PVALEF: variants seen among roughly 807,000 people sequenced by gnomAD.
PVALEF encodes the protein parvalbumin like EF-hand containing.
A neutral mutation model predicts 1.2 loss-of-function variants in PVALEF; 2 were observed. The observed-to-expected ratio is 1.68, with a 90% CI of 0.69 to 5.28. The LOEUF (loss-of-function observed/expected upper bound fraction) is 5.28. Ranked by LOEUF, PVALEF falls within the 30% of genes most tolerant of loss-of-function variation. The pLI is 0.06. For missense variants in PVALEF, 35 were observed against 17.7 expected, an observed-to-expected ratio of 1.97 and a Z score of -1.75; for synonymous variants, 16 against 6.5, an observed-to-expected ratio of 2.47 and a Z score of -2.24.
chr17:81,167,772 C>T (rs998261631), intron 2 of PVALEF, among the ~76,000 whole-genome samples: 1 of 152,204 alleles, frequency 6.6e-6, no homozygotes, highest in East Asian at 1.9e-4. Context: ...ATGTGGCCAG[C>T]CAAGGTTCTA....
rs1439213135 is a variant in PVALEF, at chr17:81,166,811, TG to T, written c.-371del. 2.4e-5 allele frequency: 11 copies of T among 454,532 alleles called. No individual in the cohort carries two copies. The Admixed American group carries it at 2.6e-4, about 11-fold the overall frequency. The allele number at this position is 454,532 out of a possible 1,614,324, so 28.2% of individuals were successfully genotyped here. A position where few individuals can be genotyped will look rare whatever the true frequency, so the allele number is the denominator to read the frequency against. On this transcript the variant is annotated 5_prime_UTR_variant, in exon 2 of 7. An upstream open reading frame in the 5' UTR gains an earlier in-frame stop. Coordinates refer to ENST00000637878, the MANE Select transcript of PVALEF (RefSeq NM_001354639.2). ...CTGCGACAGCCATGAAGGAAGAACCTGGCTGAGTCTCCACCTGCCGTGGACT... is the reference window on the plus strand; with the variant it reads ...CTGCGACAGCCATGAAGGAAGAACCTGCTGAGTCTCCACCTGCCGTGGACT...
chr17:81,181,068 G>A (rs918360879), intron 3 of PVALEF, 55 bp from the exon 4 acceptor site: 8 of 541,286 alleles, frequency 1.5e-5, no homozygotes, highest in East Asian at 6.6e-5. Context: ...AGCATGTCTC[G>A]GGGCCCTGGC....
Position 81,180,696 on chromosome 17 carries a change from G to C in PVALEF, c.-104-427G>C, listed in dbSNP as rs187766595. On this transcript the variant is annotated intron_variant, in intron 3 of 6. Transcript: ENST00000637878. ...CTGGCGCTCCTCACACCTCTGGGGC[G>C]CCAGGGTTGGGTTGCAACCCTTGAC... Among the ~76,000 whole-genome samples the C allele has an allele frequency of 4.4e-3, 666 of 152,302 alleles. 5 individuals are homozygous for C. The highest frequency in any genetic ancestry group is 0.015 in the African/African-American group (618 of 41,574).
At chr17:81,170,657 C>T (rs537501879) in intron 2 of PVALEF, among the ~76,000 whole-genome samples, 1 of 152,240 alleles carries the variant, frequency 6.6e-6, no homozygotes, top group Non-Finnish European at 1.5e-5. Flanking sequence ...GTCTGAATCC[C>T]AATTAGCCAG....
intron 6 of PVALEF, among the ~76,000 whole-genome samples, chr17:81,182,568 G>C (rs537033664): frequency 6.6e-6 from 1 of 152,302 alleles, no homozygotes; most frequent in South Asian, 2.1e-4. Flanking sequence ...GGCTTGACAG[G>C]CATCCTGACC....
At position 81,169,745 on chromosome 17, in the gene PVALEF, C is replaced by T. The variant is rs548178509; in HGVS notation, c.-340+2901C>T. ...ACATAGTCGTGTGCGTGTGTGTGTA[C>T]GTGTCTATGTGTGTGTATGCATGTG... On this transcript the variant is annotated intron_variant, in intron 2 of 6. Coordinates refer to ENST00000637878, the MANE Select transcript of PVALEF (RefSeq NM_001354639.2). 2.0e-3 allele frequency among the ~76,000 whole-genome samples: 305 copies of T among 151,724 alleles called. 1 individual carries two copies. The highest frequency in any genetic ancestry group is 6.9e-3 in the African/African-American group (284 of 41,374).
At chr17:81,171,236 C>T (rs1453148319) in intron 2 of PVALEF, among the ~76,000 whole-genome samples, 1 of 152,190 alleles carries the variant, frequency 6.6e-6, no homozygotes, top group Non-Finnish European at 1.5e-5. Flanking sequence ...CGGCTCTGAA[C>T]AGAAATGAAG....
At position 81,181,581 on chromosome 17, in the gene PVALEF, C is replaced by A. The variant is rs891030821; in HGVS notation, c.129C>A (p.Phe43Leu). 2.3e-6 allele frequency: 1 copy of A among 438,864 alleles called. No individual in the cohort carries two copies. 27.2% of individuals were successfully genotyped at this position (438,864 alleles called of 1,614,324 possible). ...RHHGSFNYLKFFKHIRKLHAS... is the reference protein window; with the variant it reads ...RHHGSFNYLKLFKHIRKLHAS... The stretch of plus-strand genomic sequence containing the variant: ...CAGGGTCCTTCAACTACCTCAAGTT[C>A]TTCAAGCACATCCGCAAGCTCCACG... The change falls in exon 5 of 7, where the codon TTC (phenylalanine) becomes TTA (leucine). Residue 43 changes from phenylalanine to leucine, a missense_variant. Transcript: ENST00000637878.
At chr17:81,171,117 C>A (rs1020058398) in intron 2 of PVALEF, among the ~76,000 whole-genome samples, 12 of 152,358 alleles carry the variant, frequency 7.9e-5, no homozygotes, top group African/African-American at 2.4e-4. Flanking sequence ...GGACAAGGGG[C>A]ATAATACTGT....
In PVALEF at chr17:81,166,873, G is replaced by A. The variant is rs183771066; in HGVS notation, c.-340+29G>A. The A allele has an allele frequency of 7.5e-4, 274 of 365,736 alleles. 1 individual carries two copies. Among genetic ancestry groups the A allele is most frequent in the African/African-American group, 4.7e-3 (221 of 46,764 alleles). 22.7% of individuals were successfully genotyped at this position (365,736 alleles called of 1,614,324 possible). On this transcript the variant is annotated intron_variant, in intron 2 of 6. Coordinates refer to ENST00000637878, the MANE Select transcript of PVALEF (RefSeq NM_001354639.2). ...CTTAGGGCAGCAGGTTGGCCTGGGC[G>A]CTGAGGGGCCATCCCTTCCCCTATG... is the stretch of plus-strand genomic sequence containing the variant.
chr17:81,171,282 G>C (rs553904043), intron 2 of PVALEF, among the ~76,000 whole-genome samples: 1 of 152,284 alleles, frequency 6.6e-6, no homozygotes, highest in East Asian at 1.9e-4. Context: ...CCATCTGTCA[G>C]CTCAGGGCAG....
At position 81,171,473 on chromosome 17, in the gene PVALEF, A is replaced by T. The variant is rs772539636; in HGVS notation, c.-340+4629A>T. 1.9e-4 allele frequency among the ~76,000 whole-genome samples: 29 copies of T among 152,290 alleles called. 1 individual carries two copies. The highest frequency in any genetic ancestry group is 3.5e-4 in the Non-Finnish European group (24 of 67,996). On this transcript the variant is annotated intron_variant, in intron 2 of 6. Coordinates refer to ENST00000637878, the MANE Select transcript of PVALEF (RefSeq NM_001354639.2). ...GTTTCTTTGGGTCTCGTTTTATTAA[A>T]AGCATGATTTCCCACTCCACATATT...
At chr17:81,166,886 C>A in intron 2 of PVALEF, 42 bp downstream of exon 2, 1 of 349,066 alleles carries the variant, frequency 2.9e-6, no homozygotes, top group Non-Finnish European at 5.9e-6. Context: ...GAGGGGCCAT[C>A]CCTTCCCCTA....
At chr17:81,176,905 C>CT in intron 2 of PVALEF, among the ~76,000 whole-genome samples, 1 of 149,056 alleles carries the variant, frequency 6.7e-6, no homozygotes, top group South Asian at 2.1e-4. Flanking sequence ...GTGGTGCAAC[C>CT]ATGCAATGGA....
intron 2 of PVALEF, among the ~76,000 whole-genome samples, chr17:81,170,329 ATG>A (rs921762618): frequency 8.0e-5 from 12 of 150,712 alleles, no homozygotes; most frequent in African/African-American, 2.4e-4. Context: ...GGGTGTGTGC[ATG>A]TGTGTGCATA....
At chr17:81,166,009 G>C (rs376268971) in intron 1 of PVALEF, 5 of 1,551,518 alleles carry the variant, frequency 3.2e-6, no homozygotes, top group East Asian at 2.5e-5. Context: ...GCCAGCGGCC[G>C]GCGGGCATCC....
Position 81,183,164 on chromosome 17 carries a change from G to T in PVALEF, c.*153G>T. On this transcript the variant is annotated 3_prime_UTR_variant, in exon 7 of 7. Transcript: ENST00000637878. ...AAATGGAAGAAAAGCAGCATTAAGT[G>T]AATGACGCAGCCTGGTGTGTCTGTT... 8.1e-6 allele frequency: 3 copies of T among 368,208 alleles called. No individual in the cohort carries two copies. The highest frequency in any genetic ancestry group is 1.4e-5 in the Non-Finnish European group (3 of 207,340). The allele number at this position is 368,208 out of a possible 1,614,324, so 22.8% of individuals were successfully genotyped here.
At position 81,181,252 on chromosome 17, in the gene PVALEF, T is replaced by C; in HGVS notation, c.26T>C (p.Met9Thr). The C allele has an allele frequency of 1.4e-6, 1 of 702,732 alleles. No homozygotes were observed. The allele number at this position is 702,732 out of a possible 1,614,324, so 43.5% of individuals were successfully genotyped here. A position where few individuals can be genotyped will look rare whatever the true frequency, so the allele number is the denominator to read the frequency against. Residue 9 changes from methionine (M) to threonine (T), a missense_variant, in exon 4 of 7, where the codon ATG (methionine) becomes ACG (threonine). Met to Thr is a moderately conservative substitution (Grantham distance 81). Transcript: ENST00000637878. MEEDFSSQ[M>T]KKMALAMGTS... is the part of the protein sequence containing the mutation. ...ATGGAGGAGGACTTCTCCTCCCAGA[T>C]GAAGAAGATGGCCTTGGCCATGGGC...
At chr17:81,182,355 G>A (rs1359645018) in intron 6 of PVALEF, among the ~76,000 whole-genome samples, 3 of 152,196 alleles carry the variant, frequency 2.0e-5, no homozygotes, top group East Asian at 3.9e-4. Context: ...GGGGACCCAC[G>A]GTCTTTGAGG....
Sources: allele counts gnomAD v4.1 joint callset (sites outside exome capture counted in the v4.1 genomes callset), GRCh38; gene constraint gnomAD v4.1.1; transcripts MANE v1.5; gene names NCBI Gene and HGNC (gene_info 2026-07-23, HGNC 2026-07-21).